RFC2: variants seen among roughly 807,000 people sequenced by gnomAD.
RFC2 encodes A1 40 kDa subunit.
RFC2 carries 34 observed loss-of-function variants against 44.8 expected under a neutral mutation model. That is an observed-to-expected ratio of 0.76 (90% CI 0.58 to 1.01). RFC2 has a LOEUF of 1.01. RFC2 is among the 50% of genes least tolerant of loss of function. The pLI is 0.00. For missense variants in RFC2, 400 were observed against 453.6 expected, an observed-to-expected ratio of 0.88 and a Z score of 1.07; for synonymous variants, 177 against 168.9, an observed-to-expected ratio of 1.05 and a Z score of -0.37.
At chr7:74,249,532 C>A in intron 3 of RFC2, among the ~76,000 whole-genome samples, 1 of 151,544 alleles carries the variant, frequency 6.6e-6, no homozygotes. Flanking sequence ...CAGAGTGAGA[C>A]TCCGTTTCAG....
intron 4 of RFC2, among the ~76,000 whole-genome samples, chr7:74,247,934 A>C (rs1274702226): frequency 3.3e-5 from 5 of 152,122 alleles, no homozygotes; most frequent in Non-Finnish European, 7.4e-5. Flanking sequence ...TTTGCATATT[A>C]ACTTATACAC....
rs1240258623 is a variant in RFC2 at position 74,243,319 on chromosome 7, C to T, written c.435-73G>A. ...ACACAAATCGTTCCCTATACAAAAACCCAGGACATAAGACACATCCAATGT... is the reference window on the plus strand; with the variant it reads ...ACACAAATCGTTCCCTATACAAAAATCCAGGACATAAGACACATCCAATGT... On this transcript the variant is annotated intron_variant, in intron 5 of 10. Transcript: ENST00000055077. 5.9e-6 allele frequency: 6 copies of T among 1,018,934 alleles called. No homozygotes were observed. In the African/African-American group the frequency reaches 9.5e-5, roughly 16 times the overall value. 63.1% of individuals were successfully genotyped at this position (1,018,934 alleles called of 1,614,324 possible). A position where few individuals can be genotyped will look rare whatever the true frequency, so the allele number is the denominator to read the frequency against.
intron 1 of RFC2, among the ~76,000 whole-genome samples, chr7:74,253,937 A>T (rs1037389023): frequency 7.9e-5 from 12 of 152,092 alleles, no homozygotes; most frequent in Non-Finnish European, 1.8e-4. Flanking sequence ...TATTTTTTTT[A>T]AAAGATTGAA....
intron 3 of RFC2, among the ~76,000 whole-genome samples, 197 bp downstream of exon 3, chr7:74,249,542 G>GA (rs200169108): frequency 2.1e-4 from 31 of 148,876 alleles, no homozygotes; most frequent in African/African-American, 6.2e-4. Flanking sequence ...CTCCGTTTCA[G>GA]AAAAAAAAAT....
intron 7 of RFC2, 31 bp from the exon 8 acceptor site, chr7:74,239,019 AT>A: frequency 1.3e-6 from 2 of 1,573,482 alleles, no homozygotes; most frequent in Non-Finnish European, 1.7e-6. Flanking sequence ...GTCAAGGATG[AT>A]TTTTATATTT....
chr7:74,250,533 T>C (rs1259674041), intron 2 of RFC2, among the ~76,000 whole-genome samples: 2 of 152,158 alleles, frequency 1.3e-5, no homozygotes, highest in Non-Finnish European at 2.9e-5. Flanking sequence ...TGCCATGAAG[T>C]TGAGGTTGCC....
At position 74,249,742 on chromosome 7, in the gene RFC2, A is replaced by G. The variant is rs782716165; in HGVS notation, c.222T>C (p.Ile74=). The G allele has an allele frequency of 3.7e-6, 6 of 1,613,594 alleles. No homozygotes were observed. The highest frequency in any genetic ancestry group is 4.2e-6 in the Non-Finnish European group (5 of 1,179,580). The change falls in exon 3 of 11, where the codon ATT becomes ATC. Residue 74 remains isoleucine, a synonymous_variant. Coordinates refer to ENST00000055077, the MANE Select transcript of RFC2 (RefSeq NM_181471.3). ...AREGNVPNII[I]AGPPGTGKTT... ...AGGCCCAGGGCTGGGTACTCACCGC[A>G]ATGATGATGTTGGGCACATTTCCTT... is the stretch of plus-strand genomic sequence containing the variant.
intron 2 of RFC2, among the ~76,000 whole-genome samples, chr7:74,250,821 T>C (rs1290736703): frequency 6.6e-6 from 1 of 151,966 alleles, no homozygotes; most frequent in Non-Finnish European, 1.5e-5. Flanking sequence ...GGAGCTTTGC[T>C]CTTGTTGCCC....
Position 74,240,110 on chromosome 7 carries a change from G to C in RFC2, c.536-15C>G. On this transcript the variant is annotated splice_polypyrimidine_tract_variant and intron_variant, in intron 6 of 10. Transcript: ENST00000055077. ...CTGAATGGGCTCTGAACAGAGACGG[G>C]ACAGTAGTGAGGCTTCCCTGCAGAG... is the stretch of plus-strand genomic sequence containing the variant. 1 of 1,611,022 alleles carries C rather than the reference G, an allele frequency of 6.2e-7. No individual in the cohort carries two copies. The highest frequency in any genetic ancestry group is 1.1e-5 in the South Asian group (1 of 90,908).
At chr7:74,232,482 G>A (rs947497148) in intron 10 of RFC2, among the ~76,000 whole-genome samples, 9 of 151,402 alleles carry the variant, frequency 5.9e-5, no homozygotes, top group South Asian at 4.2e-4. Context: ...GAGGGGGGGC[G>A]GGGTGGTGGC....
chr7:74,239,044 TAG>T, intron 7 of RFC2, 56 bp from the exon 8 acceptor site: 2 of 1,433,478 alleles, frequency 1.4e-6, no homozygotes, highest in South Asian at 2.4e-5. Flanking sequence ...TCTTTTTGAG[TAG>T]AGACAGGAGT....
chr7:74,249,468 G>A (rs1803808178), intron 3 of RFC2, among the ~76,000 whole-genome samples: 1 of 152,132 alleles, frequency 6.6e-6, no homozygotes, highest in African/African-American at 2.4e-5. Context: ...TTGAACCTGG[G>A]AGGGAGAGGT....
At chr7:74,251,467 G>A (rs1441964757) in intron 2 of RFC2, among the ~76,000 whole-genome samples, 3 of 152,178 alleles carry the variant, frequency 2.0e-5, no homozygotes, top group Non-Finnish European at 4.4e-5. Context: ...TGGGATTACA[G>A]GTGTAAGCCA....
intron 5 of RFC2, among the ~76,000 whole-genome samples, chr7:74,244,849 C>T (rs572014762): frequency 5.9e-4 from 90 of 151,606 alleles, no homozygotes; most frequent in East Asian, 3.2e-3. Flanking sequence ...CTGTAGTCTC[C>T]GCTACTTGGG....
At chr7:74,244,029 T>C (rs1803471384) in intron 5 of RFC2, among the ~76,000 whole-genome samples, 1 of 144,562 alleles carries the variant, frequency 6.9e-6, no homozygotes, top group South Asian at 2.2e-4. Flanking sequence ...GGCAGGTGGC[T>C]CTCTTGAGGT....
intron 4 of RFC2, among the ~76,000 whole-genome samples, chr7:74,247,701 A>G (rs537063085): frequency 6.6e-6 from 1 of 152,328 alleles, no homozygotes; most frequent in East Asian, 1.9e-4. Context: ...AGACACCAAT[A>G]GCAACATTCT....
intron 1 of RFC2, 121 bp downstream of exon 1, chr7:74,254,150 T>G (rs1554721526): frequency 1.3e-6 from 1 of 743,736 alleles, no homozygotes; most frequent in East Asian, 2.7e-5. Flanking sequence ...ACCCGGGGCC[T>G]CCTCCTCCCT....
chr7:74,254,371 C>A lies in RFC2; in HGVS notation c.13G>T (p.Ala5Ser), dbSNP rs1554721625. The change falls in exon 1 of 11, where the codon GCC becomes TCC. Residue 5 changes from alanine (A) to serine (S), a missense_variant. By Grantham distance (99) the Ala-to-Ser change is moderately conservative. Coordinates refer to ENST00000055077, the MANE Select transcript of RFC2 (RefSeq NM_181471.3). MEVE[A>S]VCGGAGEVEA... ...ACCTCGCCCGCGCCACCACAGACGG[C>A]CTCCACCTCCATTCTCGCGCCTCCT... 1.2e-6 allele frequency: 2 copies of A among 1,602,146 alleles called. No homozygotes were observed. Among genetic ancestry groups the A allele is most frequent in the Non-Finnish European group, 1.7e-6 (2 of 1,173,370 alleles).
chr7:74,241,939 G>A (rs969461732), intron 6 of RFC2, among the ~76,000 whole-genome samples: 49 of 152,232 alleles, frequency 3.2e-4, no homozygotes, highest in African/African-American at 1.1e-3. Flanking sequence ...CAGCCTGGGC[G>A]ACAGAGCGAG....
Sources: gnomAD v4.1 joint callset for allele counts (sites outside exome capture counted in the v4.1 genomes callset) on GRCh38, gnomAD v4.1.1 for gene constraint, MANE v1.5 for transcripts, NCBI Gene and HGNC (gene_info 2026-07-23, HGNC 2026-07-21) for gene names.